The following AGAP1 variants were observed in gnomAD, a reference collection of about 807,000 sequenced individuals.
AGAP1 encodes arf-GAP with GTPase, ANK repeat and PH domain-containing protein 1.
In AGAP1, 29 loss-of-function variants were observed where a neutral mutation model predicts 105.3. The ratio of observed to expected loss-of-function variants is 0.28; its 90% CI spans 0.21 to 0.38. The LOEUF (loss-of-function observed/expected upper bound fraction) is 0.38, where lower values mean the gene tolerates loss of function less well. AGAP1 is among the 10% of genes least tolerant of loss of function. AGAP1 has a pLI of 1.00. For synonymous variants in AGAP1, 509 were observed against 485.9 expected, an observed-to-expected ratio of 1.05 and a Z score of -0.63; for missense variants, 998 against 1,165.1, an observed-to-expected ratio of 0.86 and a Z score of 2.09.
At position 235,551,899 on chromosome 2, in the gene AGAP1, C is replaced by G. The variant is rs1184280302; in HGVS notation, c.163+57050C>G. Reference sequence around the variant, plus strand: ...GCTGGAGGCGGCCACTGCTGTCTTTCAGCTGTGAGGAGCCAGGAGGGCGAT... The same window carrying G: ...GCTGGAGGCGGCCACTGCTGTCTTTGAGCTGTGAGGAGCCAGGAGGGCGAT... On this transcript the variant is annotated intron_variant, in intron 1 of 17. Coordinates refer to ENST00000304032, the MANE Select transcript of AGAP1 (RefSeq NM_001037131.3). The surrounding 1 kb of genome is among the most constrained non-coding windows in gnomAD (Gnocchi z 4.8). 6.6e-6 allele frequency among the ~76,000 whole-genome samples: 1 copy of G among 152,214 alleles called. No homozygotes were observed. The highest frequency in any genetic ancestry group is 2.4e-5 in the African/African-American group (1 of 41,450).
intron 11 of AGAP1, among the ~76,000 whole-genome samples, chr2:235,925,908 C>T (rs2052424920): frequency 6.6e-6 from 1 of 152,234 alleles, no homozygotes; most frequent in Non-Finnish European, 1.5e-5. Context: ...GAACTTCAGA[C>T]CTTCAGCCTT....
Position 235,830,220 on chromosome 2 carries a change from A to G in AGAP1, c.1050+22889A>G, listed in dbSNP as rs528919616. On this transcript the variant is annotated intron_variant, in intron 9 of 17. Coordinates refer to ENST00000304032, the MANE Select transcript of AGAP1 (RefSeq NM_001037131.3). This position sits in a 1 kb window ranked among gnomAD's most constrained non-coding sequence, Gnocchi z 5.5. The stretch of plus-strand genomic sequence containing the variant: ...GGAGTCGGCTCTGTGTGACTTCCCC[A>G]TGACACCAGTGGGCCAGGCTACAGT... Among the ~76,000 whole-genome samples the G allele has an allele frequency of 5.5e-4, 83 of 152,282 alleles. No individual in the cohort carries two copies. Among genetic ancestry groups the G allele is most frequent in the Middle Eastern group, 3.4e-3 (1 of 294 alleles).
chr2:235,818,087 A>G (rs1048516981), intron 9 of AGAP1, among the ~76,000 whole-genome samples: 4 of 152,140 alleles, frequency 2.6e-5, no homozygotes, highest in African/African-American at 9.7e-5. Context: ...TTACTCCCTA[A>G]CCTTTCCTTC....
intron 1 of AGAP1, among the ~76,000 whole-genome samples, chr2:235,542,735 T>C (rs1943487150): frequency 6.6e-6 from 1 of 152,240 alleles, no homozygotes; most frequent in African/African-American, 2.4e-5. Context: ...TGTATTTGCT[T>C]TGTCAATCTC....
chr2:236,117,751 A>G (rs1294160459), intron 16 of AGAP1, among the ~76,000 whole-genome samples: 1 of 152,214 alleles, frequency 6.6e-6, no homozygotes, highest in African/African-American at 2.4e-5. Flanking sequence ...TTTGTGATTT[A>G]TGAAATGCAT....
At position 236,039,001 on chromosome 2, in the gene AGAP1, A is replaced by G. The variant is rs546644685; in HGVS notation, c.1801-1750A>G. ...ATTATAATTTATTATGTAGCAAGTA[A>G]TATATTATTTCACATCAATTTGATG... On this transcript the variant is annotated intron_variant, in intron 14 of 17. Coordinates refer to ENST00000304032, the MANE Select transcript of AGAP1 (RefSeq NM_001037131.3). 1.6e-4 allele frequency among the ~76,000 whole-genome samples: 24 copies of G among 152,346 alleles called. 1 individual carries two copies. In the South Asian group the frequency reaches 4.8e-3, roughly 30 times the overall value.
At chr2:236,077,344 A>G (rs952941870) in intron 16 of AGAP1, among the ~76,000 whole-genome samples, 4 of 143,310 alleles carry the variant, frequency 2.8e-5, no homozygotes, top group African/African-American at 7.8e-5. Context: ...TTTTTGAGAC[A>G]GTTTCGCTCT....
intron 13 of AGAP1, among the ~76,000 whole-genome samples, chr2:235,985,516 T>C (rs2055276041): frequency 6.6e-6 from 1 of 152,238 alleles, no homozygotes; most frequent in African/African-American, 2.4e-5. Context: ...TGTCATGAAG[T>C]CTTTGCCCAT....
intron 12 of AGAP1, among the ~76,000 whole-genome samples, chr2:235,955,383 G>C (rs75027266): frequency 0.022 from 3,396 of 152,252 alleles, 138 homozygotes; most frequent in African/African-American, 0.077. Flanking sequence ...CTTACACACC[G>C]TTGGTGGGAG....
intron 4 of AGAP1, among the ~76,000 whole-genome samples, chr2:235,742,075 C>T (rs1381085706): frequency 2.0e-5 from 3 of 152,080 alleles, no homozygotes; most frequent in South Asian, 2.1e-4. Context: ...TCAAAGGAGC[C>T]GAGAGCTGGT....
chr2:235,933,777 C>A (rs1027998829), intron 12 of AGAP1, among the ~76,000 whole-genome samples: 1 of 151,788 alleles, frequency 6.6e-6, no homozygotes, highest in Non-Finnish European at 1.5e-5. Context: ...ATGATCTGCC[C>A]GCCTTGGCCT....
chr2:235,710,566 G>A (rs921803367), intron 2 of AGAP1, among the ~76,000 whole-genome samples: 17 of 152,312 alleles, frequency 1.1e-4, no homozygotes, highest in African/African-American at 2.4e-4. Flanking sequence ...GAGACAAAGC[G>A]TCTCTCAGTC....
At chr2:235,985,934 AT>A (rs368956985) in intron 13 of AGAP1, among the ~76,000 whole-genome samples, 82 of 152,176 alleles carry the variant, frequency 5.4e-4, no homozygotes, top group African/African-American at 1.7e-3. Flanking sequence ...TTTGCTTAGG[AT>A]TGTTTTGGCT....
chr2:235,756,736 G>GAA (rs1243111167), intron 6 of AGAP1, among the ~76,000 whole-genome samples: 23 of 152,312 alleles, frequency 1.5e-4, no homozygotes, highest in Admixed American at 2.6e-4. Flanking sequence ...AGCAGCCTTA[G>GAA]ATTCTCCTAG....
intron 13 of AGAP1, among the ~76,000 whole-genome samples, chr2:236,013,120 G>A (rs958438018): frequency 6.6e-6 from 1 of 152,200 alleles, no homozygotes; most frequent in Non-Finnish European, 1.5e-5. Context: ...AAATCAAGAA[G>A]CAACTAAATC....
intron 9 of AGAP1, among the ~76,000 whole-genome samples, chr2:235,878,923 G>C (rs2049877523): frequency 6.6e-6 from 1 of 152,218 alleles, no homozygotes; most frequent in Non-Finnish European, 1.5e-5. Context: ...CCGCCCCTTG[G>C]TGGTTGTGCT....
At chr2:235,932,121 G>T (rs748216903) in intron 12 of AGAP1, among the ~76,000 whole-genome samples, 2 of 152,168 alleles carry the variant, frequency 1.3e-5, no homozygotes, top group Non-Finnish European at 2.9e-5. Context: ...TAAATTAACC[G>T]TCTACAGTTT....
At position 236,089,805 on chromosome 2, in the gene AGAP1, G is replaced by A. The variant is rs985463581; in HGVS notation, c.2115-30387G>A. Among the ~76,000 whole-genome samples the A allele has an allele frequency of 3.3e-5, 5 of 152,136 alleles. No homozygotes were observed. The highest frequency in any genetic ancestry group is 5.9e-5 in the Non-Finnish European group (4 of 68,038). On this transcript the variant is annotated intron_variant, in intron 16 of 17. Transcript: ENST00000304032. The surrounding 1 kb of genome is among the most constrained non-coding windows in gnomAD (Gnocchi z 5.6). ...CATCCCTGCCTCTTGAATGGCTGAC[G>A]AGGTCTAATTGGCATGTAACGCCCT...
rs1941224969 is a variant in AGAP1, at chr2:235,494,630, C to CG, written c.-53dup. Reference sequence around the variant, plus strand: ...CCCGGGCTCGGCGGCCCGCGGGCCCCGGGGCGCGGGGCGGCGGCGGCGGGG... The same window carrying CG: ...CCCGGGCTCGGCGGCCCGCGGGCCCCGGGGGCGCGGGGCGGCGGCGGCGGGG... On this transcript the variant is annotated 5_prime_UTR_variant, in exon 1 of 18. Coordinates refer to ENST00000304032, the MANE Select transcript of AGAP1 (RefSeq NM_001037131.3). 1 of 958,802 alleles carries CG rather than the reference C, an allele frequency of 1.0e-6. No individual in the cohort carries two copies. Among genetic ancestry groups the CG allele is most frequent in the African/African-American group, 1.8e-5 (1 of 54,928 alleles). 59.4% of individuals were successfully genotyped at this position (958,802 alleles called of 1,614,324 possible).
Sources: gnomAD v4.1 joint callset for allele counts (sites outside exome capture counted in the v4.1 genomes callset) on GRCh38, gnomAD v4.1.1 for gene constraint, Gnocchi (gnomAD v3.1) non-coding constraint, MANE v1.5 for transcripts, NCBI Gene and HGNC (gene_info 2026-07-23, HGNC 2026-07-21) for gene names.